Variants in OSBPL3 observed in about 807,000 individuals in gnomAD.
OSBPL3 encodes the protein oxysterol binding protein like 3, also known as oxysterol-binding protein-related protein 3.
OSBPL3 carries 65 observed loss-of-function variants against 120.1 expected under a neutral mutation model. That is an observed-to-expected ratio of 0.54 (90% CI 0.44 to 0.67). The LOEUF is 0.67. OSBPL3 is among the 30% of genes least tolerant of loss of function. OSBPL3 has a pLI of 0.00. For missense variants in OSBPL3, 1,004 were observed against 1,082.1 expected (o/e 0.93, Z 1.01); for synonymous variants, 416 against 402.6 (o/e 1.03, Z -0.40).
Position 24,834,516 on chromosome 7 carries a change from G to A in OSBPL3, c.1716C>T (p.Ala572=), listed in dbSNP as rs756665485. ...TTTCCAGGGGGCTGGGAATCTGCGCGGCCTTGTCCAGGAGCTCGCTGTACT... is the reference window on the plus strand; with the variant it reads ...TTTCCAGGGGGCTGGGAATCTGCGCAGCCTTGTCCAGGAGCTCGCTGTACT... ...ELEYSELLDK[A]AQIPSPLERM... The change falls in exon 15 of 23, where the codon GCC becomes GCT. Residue 572 remains alanine, a synonymous_variant. Coordinates refer to ENST00000313367, the MANE Select transcript of OSBPL3 (RefSeq NM_015550.4). The surrounding 1 kb of genome is among the most constrained non-coding windows in gnomAD (Gnocchi z 5.2). 23 of 1,613,350 alleles carry A rather than the reference G, an allele frequency of 1.4e-5. No homozygotes were observed. Among genetic ancestry groups the A allele is most frequent in the East Asian group, 4.5e-5 (2 of 44,880 alleles).
chr7:24,807,268 G>A (rs949818760), intron 20 of OSBPL3, among the ~76,000 whole-genome samples: 11 of 151,482 alleles, frequency 7.3e-5, no homozygotes, highest in Admixed American at 6.6e-4. Context: ...TGAGGCAGGC[G>A]GATCACCTGA....
In OSBPL3 at chr7:24,872,920, G is replaced by C. The variant is rs547068968; in HGVS notation, c.97-851C>G. 6.6e-6 allele frequency among the ~76,000 whole-genome samples: 1 copy of C among 152,258 alleles called. No individual in the cohort carries two copies. Among genetic ancestry groups the C allele is most frequent in the Admixed American group, 6.5e-5 (1 of 15,296 alleles). On this transcript the variant is annotated intron_variant, in intron 2 of 22. Transcript: ENST00000313367. The surrounding 1 kb of genome is among the most constrained non-coding windows in gnomAD (Gnocchi z 4.1). ...ATAAACCAAAAGTAGCAATACTTCA[G>C]TGACTGGGAGAATTTATTTTTATTA... is the stretch of plus-strand genomic sequence containing the variant.
chr7:24,920,142 G>A (rs1276808811), intron 1 of OSBPL3, among the ~76,000 whole-genome samples: 2 of 151,988 alleles, frequency 1.3e-5, no homozygotes, highest in Non-Finnish European at 2.9e-5. Flanking sequence ...CCACTCCCAG[G>A]TATAAACCCA....
chr7:24,815,016 A>C lies in OSBPL3; in HGVS notation c.2172+43T>G, dbSNP rs1562765441. The C allele has an allele frequency of 6.2e-7, 1 of 1,603,162 alleles. No homozygotes were observed. On this transcript the variant is annotated intron_variant, in intron 19 of 22. Coordinates refer to ENST00000313367, the MANE Select transcript of OSBPL3 (RefSeq NM_015550.4). The surrounding 1 kb of genome is among the most constrained non-coding windows in gnomAD (Gnocchi z 5.1). ...TGTGCTCTGGGGCCCTGGCTCTGCC[A>C]CAGCCCTTCCAGGGTCAGAGCTCAG... is the stretch of plus-strand genomic sequence containing the variant.
rs774513696 is a variant in OSBPL3, at chr7:24,833,369, A to AAG, written c.1746+1115_1746+1116dup. 6.6e-6 allele frequency among the ~76,000 whole-genome samples: 1 copy of AAG among 152,332 alleles called. No individual in the cohort carries two copies. The highest frequency in any genetic ancestry group is 2.1e-4 in the South Asian group (1 of 4,824). On this transcript the variant is annotated intron_variant, in intron 15 of 22. Coordinates refer to ENST00000313367, the MANE Select transcript of OSBPL3 (RefSeq NM_015550.4). The surrounding 1 kb of genome is among the most constrained non-coding windows in gnomAD (Gnocchi z 4.4). ...GGTGACAAAGACCCTGACTCAAAAA[A>AAG]AGAGAAAGTCTCTTTGATGGGGAGG...
Position 24,871,680 on chromosome 7 carries a change from T to C in OSBPL3, c.267+62A>G. 2 of 1,213,586 alleles carry C rather than the reference T, an allele frequency of 1.6e-6. No homozygotes were observed. The allele number at this position is 1,213,586 out of a possible 1,614,324, so 75.2% of individuals were successfully genotyped here. ...CCTCAACTATACACACTCTCATCTC[T>C]GAGCTGATGGTTACCCCTTTAGGAT... On this transcript the variant is annotated intron_variant, in intron 4 of 22. Transcript: ENST00000313367. The surrounding 1 kb of genome is among the most constrained non-coding windows in gnomAD (Gnocchi z 4.8).
Position 24,898,065 on chromosome 7 carries a change from T to C in OSBPL3, c.-149-5444A>G, listed in dbSNP as rs748917883. ...AAGTGGGATATCTATTTCTGGTCTT[T>C]AATAAAATAAAATTATTCAAATCCA... On this transcript the variant is annotated intron_variant, in intron 1 of 22. Transcript: ENST00000313367. The surrounding 1 kb of genome is among the most constrained non-coding windows in gnomAD (Gnocchi z 4.3). 9.2e-5 allele frequency among the ~76,000 whole-genome samples: 14 copies of C among 152,252 alleles called. No individual in the cohort carries two copies. The highest frequency in any genetic ancestry group is 1.4e-4 in the African/African-American group (6 of 41,464).
chr7:24,894,162 A>T lies in OSBPL3; in HGVS notation c.-149-1541T>A, dbSNP rs547931071. Reference sequence around the variant, plus strand: ...ATTAACACTTAGTTCTTCAAAAATAAAAAAGAGTACATTAAAGCAATAAGC... The same window carrying T: ...ATTAACACTTAGTTCTTCAAAAATATAAAAGAGTACATTAAAGCAATAAGC... On this transcript the variant is annotated intron_variant, in intron 1 of 22. Coordinates refer to ENST00000313367, the MANE Select transcript of OSBPL3 (RefSeq NM_015550.4). This position sits in a 1 kb window ranked among gnomAD's most constrained non-coding sequence, Gnocchi z 4.1. Among the ~76,000 whole-genome samples the T allele has an allele frequency of 5.3e-5, 8 of 152,278 alleles. No individual in the cohort carries two copies. Among genetic ancestry groups the T allele is most frequent in the African/African-American group, 1.9e-4 (8 of 41,530 alleles).
rs1816118026 is a variant in OSBPL3 at position 24,964,180 on chromosome 7, A to T, written c.-150+15706T>A. On this transcript the variant is annotated intron_variant, in intron 1 of 22. Transcript: ENST00000313367. The surrounding 1 kb of genome is among the most constrained non-coding windows in gnomAD (Gnocchi z 4.2). Reference sequence around the variant, plus strand: ...CTCACAGAAGAATGTCAAATAATTTATGTAGCTACACCACCCTCAAGGAAG... The same window carrying T: ...CTCACAGAAGAATGTCAAATAATTTTTGTAGCTACACCACCCTCAAGGAAG... Among the ~76,000 whole-genome samples, 1 of 152,244 alleles carries T rather than the reference A, an allele frequency of 6.6e-6. No homozygotes were observed. Among genetic ancestry groups the T allele is most frequent in the Non-Finnish European group, 1.5e-5 (1 of 68,044 alleles).
rs1029113361 is a variant in OSBPL3 at position 24,865,246 on chromosome 7, G to C, written c.673+96C>G. The stretch of plus-strand genomic sequence containing the variant: ...AAAATATGGAAGGGAATGTGGACAA[G>C]CATAGGGGAAGGACACAAATGAATC... On this transcript the variant is annotated intron_variant, in intron 7 of 22. Transcript: ENST00000313367. 5 of 1,301,970 alleles carry C rather than the reference G, an allele frequency of 3.8e-6. No homozygotes were observed. The African/African-American group carries it at 7.3e-5, about 19-fold the overall frequency. The allele number at this position is 1,301,970 out of a possible 1,614,324, so 80.7% of individuals were successfully genotyped here.
Position 24,933,640 on chromosome 7 carries a change from AG to A in OSBPL3, c.-149-41020del, listed in dbSNP as rs1812054134. Among the ~76,000 whole-genome samples the A allele has an allele frequency of 6.6e-6, 1 of 152,214 alleles. No homozygotes were observed. The highest frequency in any genetic ancestry group is 1.5e-5 in the Non-Finnish European group (1 of 68,038). ...AAACTAGTAATTGAGCAAAACTCTA[AG>A]CTTGTGTAAAAAAGAAATGTTGCAT... is the stretch of plus-strand genomic sequence containing the variant. On this transcript the variant is annotated intron_variant, in intron 1 of 22. Transcript: ENST00000313367. The surrounding 1 kb of genome is among the most constrained non-coding windows in gnomAD (Gnocchi z 5.1).
chr7:24,800,325 C>T (rs1792141689), intron 22 of OSBPL3, 46 bp from the exon 23 acceptor site: 1 of 1,129,342 alleles, frequency 8.9e-7, no homozygotes, highest in Non-Finnish European at 1.3e-6. Context: ...AAACCAGCGT[C>T]ACATTCTCAA....
intron 1 of OSBPL3, among the ~76,000 whole-genome samples, chr7:24,921,094 A>C (rs1209776673): frequency 2.6e-5 from 4 of 152,234 alleles, no homozygotes; most frequent in Admixed American, 2.6e-4. Context: ...AGAATGACTA[A>C]AAGCCTAATC....
Position 24,820,381 on chromosome 7 carries a change from G to C in OSBPL3, c.1885-143C>G, listed in dbSNP as rs6979174. On this transcript the variant is annotated intron_variant, in intron 16 of 22. Coordinates refer to ENST00000313367, the MANE Select transcript of OSBPL3 (RefSeq NM_015550.4). The surrounding 1 kb of genome is among the most constrained non-coding windows in gnomAD (Gnocchi z 4.6). ...ACTTCTTTAGTTTCCCTCATCAAGTGTGTCCTCAAGAGGGCGCTCCTGATA... is the reference window on the plus strand; with the variant it reads ...ACTTCTTTAGTTTCCCTCATCAAGTCTGTCCTCAAGAGGGCGCTCCTGATA... 440,359 of 609,254 alleles carry C rather than the reference G, an allele frequency of 0.72. 161,817 individuals carry two copies. The highest frequency in any genetic ancestry group is 0.98 in the East Asian group (31,942 of 32,596). 37.7% of individuals were successfully genotyped at this position (609,254 alleles called of 1,614,324 possible).
chr7:24,944,129 A>G (rs547858621), intron 1 of OSBPL3, among the ~76,000 whole-genome samples: 2 of 152,114 alleles, frequency 1.3e-5, no homozygotes, highest in Middle Eastern at 3.4e-3. Context: ...GGGAGAAACC[A>G]AAGATTAAAA....
chr7:24,838,879 TC>T (rs1797339892), intron 14 of OSBPL3, among the ~76,000 whole-genome samples: 1 of 152,114 alleles, frequency 6.6e-6, no homozygotes, highest in Non-Finnish European at 1.5e-5. Context: ...TTTTTGGCCT[TC>T]TTCTTCAAAC....
At chr7:24,864,740 G>A (rs1801065380) in intron 7 of OSBPL3, among the ~76,000 whole-genome samples, 1 of 152,158 alleles carries the variant, frequency 6.6e-6, no homozygotes, top group South Asian at 2.1e-4. Context: ...GATCTTTTCG[G>A]TTTTTAGTTC....
chr7:24,802,433 T>C lies in OSBPL3; in HGVS notation c.2567+1882A>G, dbSNP rs1047372279. Among the ~76,000 whole-genome samples the C allele has an allele frequency of 6.6e-6, 1 of 152,258 alleles. No homozygotes were observed. Among genetic ancestry groups the C allele is most frequent in the African/African-American group, 2.4e-5 (1 of 41,466 alleles). ...TTCCCATCTAATACTATGATCATTT[T>C]ACAGACAGTCAAAAAGAAAAAGAGC... On this transcript the variant is annotated intron_variant, in intron 22 of 22. Transcript: ENST00000313367. This position sits in a 1 kb window ranked among gnomAD's most constrained non-coding sequence, Gnocchi z 4.1.
At chr7:24,864,371 C>T (rs1348945342) in intron 7 of OSBPL3, among the ~76,000 whole-genome samples, 1 of 152,186 alleles carries the variant, frequency 6.6e-6, no homozygotes, top group African/African-American at 2.4e-5. Flanking sequence ...GGCTCCACCC[C>T]TAGTTTTTTA....
Sources: allele counts gnomAD v4.1 joint callset (sites outside exome capture counted in the v4.1 genomes callset), GRCh38; gene constraint gnomAD v4.1.1; non-coding constraint Gnocchi (gnomAD v3.1); transcripts MANE v1.5; gene names NCBI Gene and HGNC (gene_info 2026-07-23, HGNC 2026-07-21).